Variants in HRG observed in about 807,000 individuals in gnomAD.
HRG encodes histidine rich glycoprotein.
HRG carries 26 observed loss-of-function variants against 29.5 expected under a neutral mutation model. That is an observed-to-expected ratio of 0.88 (90% CI 0.65 to 1.22). The LOEUF (loss-of-function observed/expected upper bound fraction) is 1.22, where lower values mean the gene tolerates loss of function less well. Ranked by LOEUF, HRG falls within the 50% of genes most tolerant of loss-of-function variation. The pLI, the probability that HRG is intolerant of heterozygous loss-of-function variation, is 0.00. For synonymous variants in HRG, 243 were observed against 240.4 expected (o/e 1.01, Z -0.10); for missense variants, 671 against 654.5 (o/e 1.03, Z -0.28).
intron 5 of HRG, chr3:186,674,676 T>C (rs1718911436): frequency 3.0e-6 from 1 of 336,886 alleles, no homozygotes; most frequent in Non-Finnish European, 5.8e-6. Context: ...TGCCCTCCTG[T>C]CCAACACTTT....
chr3:186,670,106 T>C (rs1718741348), intron 3 of HRG, 78 bp downstream of exon 3: 2 of 803,414 alleles, frequency 2.5e-6, no homozygotes, highest in East Asian at 2.5e-5. Context: ...GTCTCATCTA[T>C]GTACATATGT....
chr3:186,675,127 A>G lies in HRG; in HGVS notation c.678A>G (p.Val226=). 1 of 1,613,866 alleles carries G rather than the reference A, an allele frequency of 6.2e-7. No individual in the cohort carries two copies. The highest frequency in any genetic ancestry group is 1.3e-5 in the African/African-American group (1 of 75,030). The stretch of plus-strand genomic sequence containing the variant: ...GCAGAGCAGATTTGTTCTATGATGT[A>G]GAAGCCTTGGACTTGGAAAGCCCGA... ...GFCRADLFYD[V]EALDLESPKN... The change falls in exon 6 of 7, where the codon GTA becomes GTG. Residue 226 remains valine (V), a synonymous_variant. Transcript: ENST00000232003.
chr3:186,669,903 G>T, intron 2 of HRG, 35 bp from the exon 3 acceptor site: 1 of 1,060,450 alleles, frequency 9.4e-7, no homozygotes, highest in South Asian at 1.2e-5. Context: ...AGGATGCAAT[G>T]ACTCAGCAAG....
chr3:186,671,628 T>A lies in HRG; in HGVS notation c.397T>A (p.Ser133Thr). The change falls in exon 4 of 7, where the codon TCA becomes ACA. Residue 133 changes from serine (S) to threonine (T), a missense_variant. Transcript: ENST00000232003. ...CTGCTATCTTCTTTCTCCAGTCTCT[T>A]CAGCACTGGCCAATACCAAAGATAG... ...DFNCTTSSVS[S>T]ALANTKDSPV... 1 of 1,613,946 alleles carries A rather than the reference T, an allele frequency of 6.2e-7. No homozygotes were observed. The highest frequency in any genetic ancestry group is 8.5e-7 in the Non-Finnish European group (1 of 1,179,836).
intron 1 of HRG, among the ~76,000 whole-genome samples, chr3:186,667,486 C>A (rs571239478): frequency 6.6e-6 from 1 of 151,990 alleles, no homozygotes; most frequent in Non-Finnish European, 1.5e-5. Flanking sequence ...GGACTCAGCA[C>A]GCCAAAAGTA....
intron 5 of HRG, chr3:186,673,268 TA>T: frequency 3.3e-6 from 1 of 300,224 alleles, no homozygotes; most frequent in South Asian, 3.3e-5. Flanking sequence ...CACGCCCAGC[TA>T]ATTTTTGTAT....
rs1365701538 is a variant in HRG, at chr3:186,675,348, A to AGAAAGG, written c.741+160_741+161insAAGGGA. ...GAGAGAGAGACAGAGACAGAGACAG[A>AGAAAGG]GAGAGGGAGACAGGGAGAGAGAGAA... is the stretch of plus-strand genomic sequence containing the variant. On this transcript the variant is annotated intron_variant, in intron 6 of 6. Coordinates refer to ENST00000232003, the MANE Select transcript of HRG (RefSeq NM_000412.5). 8.4e-3 allele frequency among the ~76,000 whole-genome samples: 1,283 copies of AGAAAGG among 152,022 alleles called. 18 individuals carry two copies. Among genetic ancestry groups the AGAAAGG allele is most frequent in the African/African-American group, 0.029 (1,219 of 41,382 alleles).
At chr3:186,668,709 T>G in intron 1 of HRG, 1 of 514,982 alleles carries the variant, frequency 1.9e-6, no homozygotes, top group Non-Finnish European at 3.5e-6. Flanking sequence ...CTTCTTCAAG[T>G]TTATGGGCAG....
Position 186,677,077 on chromosome 3 carries a change from C to A in HRG, c.772C>A (p.His258Asn), listed in dbSNP as rs1458447850. The A allele has an allele frequency of 6.2e-6, 10 of 1,614,014 alleles. No homozygotes were observed. Among genetic ancestry groups the A allele is most frequent in the Non-Finnish European group, 7.6e-6 (9 of 1,179,932 alleles). ...EHENINGVPP[H>N]LGHPFHWGGH... The stretch of plus-strand genomic sequence containing the variant: ...TGAGAACATCAATGGTGTACCGCCT[C>A]ATTTGGGACATCCCTTCCACTGGGG... Residue 258 changes from histidine (H) to asparagine (N), a missense_variant, in exon 7 of 7, where the codon CAT becomes AAT. Coordinates refer to ENST00000232003, the MANE Select transcript of HRG (RefSeq NM_000412.5).
At chr3:186,674,697 A>C in intron 5 of HRG, 1 of 338,342 alleles carries the variant, frequency 3.0e-6, no homozygotes, top group Non-Finnish European at 5.8e-6. Context: ...CCTCCAAGGG[A>C]CCAGCTGAAG....
Position 186,672,780 on chromosome 3 carries a change from G to A in HRG, c.559-7G>A. 2 of 1,590,552 alleles carry A rather than the reference G, an allele frequency of 1.3e-6. No homozygotes were observed. The highest frequency in any genetic ancestry group is 1.7e-6 in the Non-Finnish European group (2 of 1,158,636). On this transcript the variant is annotated splice_region_variant and splice_polypyrimidine_tract_variant and intron_variant, in intron 4 of 6. Coordinates refer to ENST00000232003, the MANE Select transcript of HRG (RefSeq NM_000412.5). ...TCTTGAAACTATTTTGATCCCATCTGTTCTAGAGAGGAGGGGAAGGAACTG... is the reference window on the plus strand; with the variant it reads ...TCTTGAAACTATTTTGATCCCATCTATTCTAGAGAGGAGGGGAAGGAACTG...
Position 186,668,884 on chromosome 3 carries a change from A to AC in HRG, c.184-48dup, listed in dbSNP as rs397688789. ...ATATAGCTTTAATACATAAAAAAAA[A>AC]CCCGCTAGGTTTCCATGTGCTACTC... On this transcript the variant is annotated intron_variant, in intron 1 of 6. Coordinates refer to ENST00000232003, the MANE Select transcript of HRG (RefSeq NM_000412.5). 305 of 982,008 alleles carry AC rather than the reference A, an allele frequency of 3.1e-4. 2 individuals carry two copies. The African/African-American group carries it at 3.5e-3, about 11-fold the overall frequency. 60.8% of individuals were successfully genotyped at this position (982,008 alleles called of 1,614,324 possible).
At position 186,677,755 on chromosome 3, in the gene HRG, C is replaced by T; in HGVS notation, c.1450C>T (p.His484Tyr). 2 of 1,611,962 alleles carry T rather than the reference C, an allele frequency of 1.2e-6. No individual in the cohort carries two copies. The highest frequency in any genetic ancestry group is 1.7e-6 in the Non-Finnish European group (2 of 1,178,128). ...CAATTTTCCCAGCTTCCCATTGCCG[C>T]ACCACAAACATCCTCTAAAGCCAGA... ...EANFPSFPLPHHKHPLKPDNQ... is the reference protein window; with the variant it reads ...EANFPSFPLPYHKHPLKPDNQ... Residue 484 changes from histidine to tyrosine, a missense_variant, in exon 7 of 7, where the codon CAC (histidine) becomes TAC (tyrosine). By Grantham distance (83) the His-to-Tyr change is moderately conservative. Coordinates refer to ENST00000232003, the MANE Select transcript of HRG (RefSeq NM_000412.5).
intron 6 of HRG, among the ~76,000 whole-genome samples, chr3:186,675,698 A>T (rs1031392900): frequency 6.6e-6 from 1 of 152,130 alleles, no homozygotes; most frequent in African/African-American, 2.4e-5. Context: ...CATATTTTGC[A>T]TCTGTCTCAG....
intron 6 of HRG, 63 bp from the exon 7 acceptor site, chr3:186,676,984 C>T: frequency 6.3e-7 from 1 of 1,599,484 alleles, no homozygotes; most frequent in East Asian, 2.2e-5. Flanking sequence ...TAAATCAAGT[C>T]AAGTATCTAA....
intron 4 of HRG, among the ~76,000 whole-genome samples, chr3:186,672,452 G>A (rs1453252028): frequency 1.3e-5 from 2 of 152,184 alleles, no homozygotes; most frequent in Non-Finnish European, 2.9e-5. Flanking sequence ...ATCTCCCTGT[G>A]TATGTGTAAC....
intron 1 of HRG, chr3:186,667,026 A>G (rs1579072146): frequency 6.6e-6 from 1 of 152,270 alleles, no homozygotes; most frequent in South Asian, 2.1e-4. Flanking sequence ...GGCCACTTGC[A>G]TACTTAGAAT....
At chr3:186,675,042 TC>T in intron 5 of HRG, 46 bp from the exon 6 acceptor site, 1 of 1,320,340 alleles carries the variant, frequency 7.6e-7, no homozygotes, top group South Asian at 1.2e-5. Context: ...CTGGTCATCT[TC>T]ACACCACCTG....
At position 186,672,794 on chromosome 3, in the gene HRG, G is replaced by A; in HGVS notation, c.566G>A (p.Gly189Glu). Residue 189 changes from glycine (G) to glutamate (E), a missense_variant, in exon 5 of 7, where the codon GGG becomes GAG. Coordinates refer to ENST00000232003, the MANE Select transcript of HRG (RefSeq NM_000412.5). ...TGATCCCATCTGTTCTAGAGAGGAG[G>A]GGAAGGAACTGGTTACTTCGTGGAC... Reference protein sequence around the residue: ...RIERVARVRGGEGTGYFVDFS... With the variant: ...RIERVARVRGEEGTGYFVDFS... 1 of 1,608,000 alleles carries A rather than the reference G, an allele frequency of 6.2e-7. No individual in the cohort carries two copies. The highest frequency in any genetic ancestry group is 8.5e-7 in the Non-Finnish European group (1 of 1,174,496).
Sources: allele counts gnomAD v4.1 joint callset (sites outside exome capture counted in the v4.1 genomes callset), GRCh38; gene constraint gnomAD v4.1.1; transcripts MANE v1.5; gene names NCBI Gene and HGNC (gene_info 2026-07-23, HGNC 2026-07-21).